EYA1: variants seen among roughly 807,000 people sequenced by gnomAD.
EYA1 encodes protein phosphatase EYA1.
In EYA1, 16 loss-of-function variants were observed where a neutral mutation model predicts 82.0. The observed-to-expected ratio is 0.20, with a 90% CI of 0.13 to 0.30. The LOEUF (loss-of-function observed/expected upper bound fraction) is 0.30. Among genes scored for constraint, EYA1 ranks in the 10% least tolerant of loss-of-function variants. The pLI is 1.00. For synonymous variants in EYA1, 261 were observed against 264.4 expected, an observed-to-expected ratio of 0.99 and a Z score of 0.12; for missense variants, 633 against 730.7, an observed-to-expected ratio of 0.87 and a Z score of 1.54.
intron 11 of EYA1, among the ~76,000 whole-genome samples, chr8:71,261,619 G>C (rs1366776823): frequency 6.6e-6 from 1 of 152,200 alleles, no homozygotes; most frequent in Non-Finnish European, 1.5e-5. Context: ...TAGAGAATAA[G>C]AGAAAGAACT....
chr8:71,543,220 A>C (rs1377481853), intron 1 of EYA1, among the ~76,000 whole-genome samples: 1 of 152,142 alleles, frequency 6.6e-6, no homozygotes, highest in Non-Finnish European at 1.5e-5. Context: ...ACCACCAAAC[A>C]CCTCCTAATA....
chr8:71,199,059 GT>G lies in EYA1; in HGVS notation c.*280del. On this transcript the variant is annotated 3_prime_UTR_variant, in exon 18 of 18. Coordinates refer to ENST00000340726, the MANE Select transcript of EYA1 (RefSeq NM_000503.6). ...GCGTTTGCAGGTCCTTTCTTCACAG[GT>G]TTGAACCGTGTAGTTAATGTGGCAG... 2.0e-6 allele frequency: 1 copy of G among 492,062 alleles called. No homozygotes were observed. Among genetic ancestry groups the G allele is most frequent in the Non-Finnish European group, 3.7e-6 (1 of 268,098 alleles). The allele number at this position is 492,062 out of a possible 1,614,324, so 30.5% of individuals were successfully genotyped here. A position where few individuals can be genotyped will look rare whatever the true frequency, so the allele number is the denominator to read the frequency against.
chr8:71,221,088 A>C (rs1363641632), intron 12 of EYA1, among the ~76,000 whole-genome samples: 2 of 152,196 alleles, frequency 1.3e-5, no homozygotes, highest in Non-Finnish European at 2.9e-5. Context: ...AGCCAGAGAG[A>C]GTTGCAAAGG....
At chr8:71,384,029 T>TA (rs911859077) in intron 2 of EYA1, among the ~76,000 whole-genome samples, 15 of 152,184 alleles carry the variant, frequency 9.9e-5, no homozygotes, top group Non-Finnish European at 1.6e-4. Context: ...CTTTTTTTTT[T>TA]AAATTCATTG....
chr8:71,219,687 T>C (rs1030741240), intron 12 of EYA1, among the ~76,000 whole-genome samples: 10 of 152,196 alleles, frequency 6.6e-5, no homozygotes, highest in African/African-American at 2.4e-4. Context: ...ATTAACATTT[T>C]AATTCATGAA....
At chr8:71,254,183 T>C (rs987914050) in intron 11 of EYA1, among the ~76,000 whole-genome samples, 1 of 142,044 alleles carries the variant, frequency 7.0e-6, no homozygotes, top group African/African-American at 2.7e-5. Flanking sequence ...ACTGGAGTAC[T>C]GAAGTTTTAA....
At chr8:71,223,736 A>G (rs542695186) in intron 12 of EYA1, among the ~76,000 whole-genome samples, 1 of 152,312 alleles carries the variant, frequency 6.6e-6, no homozygotes, top group South Asian at 2.1e-4. Flanking sequence ...CTGATCCATC[A>G]TCATCTCTGG....
chr8:71,537,484 A>G (rs1231991051), intron 1 of EYA1, among the ~76,000 whole-genome samples: 1 of 152,234 alleles, frequency 6.6e-6, no homozygotes, highest in African/African-American at 2.4e-5. Flanking sequence ...TAGGAGGCAC[A>G]TTAACTGTTC....
chr8:71,522,213 A>G (rs930680431), intron 2 of EYA1, among the ~76,000 whole-genome samples: 2 of 152,200 alleles, frequency 1.3e-5, no homozygotes, highest in East Asian at 1.9e-4. Flanking sequence ...TTGAATATGG[A>G]AAAACCACCT....
intron 12 of EYA1, among the ~76,000 whole-genome samples, chr8:71,229,377 G>A (rs530466912): frequency 3.9e-5 from 6 of 152,178 alleles, no homozygotes; most frequent in African/African-American, 1.4e-4. Flanking sequence ...CAATTCTCCT[G>A]AAAACTCTGC....
intron 2 of EYA1, among the ~76,000 whole-genome samples, chr8:71,510,216 G>A (rs1413102287): frequency 1.3e-5 from 2 of 152,080 alleles, no homozygotes; most frequent in Non-Finnish European, 2.9e-5. Context: ...AGACTCATGG[G>A]TCAAATCTGA....
At chr8:71,244,930 C>T (rs774456633) in intron 11 of EYA1, among the ~76,000 whole-genome samples, 25 of 152,142 alleles carry the variant, frequency 1.6e-4, no homozygotes, top group Admixed American at 6.5e-5. Context: ...AGAAAAAACT[C>T]TTTCTTTACT....
intron 3 of EYA1, among the ~76,000 whole-genome samples, chr8:71,348,925 G>GA (rs1826028009): frequency 6.6e-6 from 1 of 152,118 alleles, no homozygotes; most frequent in Admixed American, 6.5e-5. Context: ...TTGTGAGGTA[G>GA]AAAACATTTA....
At chr8:71,486,753 C>T (rs557640103) in intron 2 of EYA1, among the ~76,000 whole-genome samples, 2 of 152,228 alleles carry the variant, frequency 1.3e-5, no homozygotes, top group African/African-American at 4.8e-5. Context: ...TAAGAAAGCA[C>T]GTCTGCCCTG....
chr8:71,478,247 A>G (rs4131682), intron 2 of EYA1, among the ~76,000 whole-genome samples: 68,907 of 151,942 alleles, frequency 0.45, 15,731 homozygotes, highest in South Asian at 0.48. Context: ...TTTTAAGAGC[A>G]TGTAAAAGGC....
chr8:71,515,278 T>C (rs557876696), intron 2 of EYA1, among the ~76,000 whole-genome samples: 3 of 152,252 alleles, frequency 2.0e-5, no homozygotes, highest in Non-Finnish European at 4.4e-5. Context: ...AGCTGGTCAG[T>C]GGCAAAGCCC....
At chr8:71,285,193 C>T (rs112792844) in intron 9 of EYA1, among the ~76,000 whole-genome samples, 2,172 of 152,238 alleles carry the variant, frequency 0.014, 45 homozygotes, top group African/African-American at 0.049. Flanking sequence ...CCAGGGGATG[C>T]AATTTAATAG....
intron 2 of EYA1, among the ~76,000 whole-genome samples, chr8:71,400,904 A>G (rs1829920584): frequency 6.6e-6 from 1 of 152,236 alleles, no homozygotes; most frequent in Non-Finnish European, 1.5e-5. Context: ...CATCAATGAT[A>G]GAATGGATAA....
intron 12 of EYA1, among the ~76,000 whole-genome samples, chr8:71,227,145 TA>T (rs989382188): frequency 3.9e-5 from 6 of 152,178 alleles, no homozygotes; most frequent in South Asian, 2.1e-4. Flanking sequence ...TTCAGAACAT[TA>T]AAAAAACTCA....
Sources: allele counts gnomAD v4.1 joint callset (sites outside exome capture counted in the v4.1 genomes callset), GRCh38; gene constraint gnomAD v4.1.1; transcripts MANE v1.5; gene names NCBI Gene and HGNC (gene_info 2026-07-23, HGNC 2026-07-21).